The following ZNF141 variants were observed in gnomAD, a reference collection of about 807,000 sequenced individuals.
ZNF141 encodes zinc finger protein 141 (clone pHZ-44).
ZNF141 carries 7 observed loss-of-function variants against 11.3 expected under a neutral mutation model. That is an observed-to-expected ratio of 0.62 (90% CI 0.35 to 1.16). The LOEUF (loss-of-function observed/expected upper bound fraction) is 1.16, where lower values mean the gene tolerates loss of function less well. Among genes scored for constraint, ZNF141 ranks in the 50% most tolerant of loss-of-function variants. ZNF141 has a pLI of 0.02. For synonymous variants in ZNF141, 183 were observed against 190.7 expected (o/e 0.96, Z 0.33); for missense variants, 535 against 554.0 (o/e 0.97, Z 0.34).
intron 1 of ZNF141, among the ~76,000 whole-genome samples, chr4:339,119 C>G (rs1720931899): frequency 6.6e-6 from 1 of 152,264 alleles, no homozygotes; most frequent in African/African-American, 2.4e-5. Context: ...ACACTTGTCC[C>G]AGGACAGGGT....
chr4:365,408 T>C (rs2108718286), intron 3 of ZNF141, among the ~76,000 whole-genome samples: 1 of 152,254 alleles, frequency 6.6e-6, no homozygotes, highest in South Asian at 2.1e-4. Context: ...AAATCACCCG[T>C]CTTTTACGTC....
chr4:373,353 A>G lies in ZNF141; in HGVS notation c.916A>G (p.Thr306Ala), dbSNP rs539002588. The G allele has an allele frequency of 6.2e-7, 1 of 1,613,690 alleles. No homozygotes were observed. The highest frequency in any genetic ancestry group is 2.2e-5 in the East Asian group (1 of 44,846). The stretch of plus-strand genomic sequence containing the variant: ...CTTTGCCAAACATAAGCGAATTCAT[A>G]CTGGAGAGAAACCCTACAAATGTGA... ...SNFAKHKRIH[T>A]GEKPYKCEEC... Residue 306 changes from threonine (T) to alanine (A), a missense_variant, in exon 4 of 4, where the codon ACT (threonine) becomes GCT (alanine). Transcript: ENST00000240499.
rs570639890 is a variant in ZNF141 at position 378,835 on chromosome 4, A to ATTTTTTTTTTT, written c.*4990_*5000dup. Among the ~76,000 whole-genome samples the ATTTTTTTTTTT allele has an allele frequency of 7.6e-5, 6 of 78,626 alleles. 2 individuals are homozygous for ATTTTTTTTTTT. The highest frequency in any genetic ancestry group is 1.8e-4 in the African/African-American group (3 of 16,556). The allele number at this position is 78,626 out of a possible 152,430, so 51.6% of individuals were successfully genotyped here. ...GTTGAATCCAAACAGTTTCTCAGTG[A>ATTTTTTTTTTT]TTTTTTTTTTTTTTTTTTTTTTTTT... On this transcript the variant is annotated 3_prime_UTR_variant, in exon 4 of 4. Transcript: ENST00000240499.
chr4:346,848 T>C lies in ZNF141; in HGVS notation c.226+2418T>C, dbSNP rs1235814128. 4.7e-5 allele frequency among the ~76,000 whole-genome samples: 7 copies of C among 150,014 alleles called. No homozygotes were observed. In the East Asian group the frequency reaches 1.4e-3, roughly 29 times the overall value. The stretch of plus-strand genomic sequence containing the variant: ...TCCTGTGTATGTGTGTGTATATATA[T>C]ATGTATATACATGTATGTATATATA... On this transcript the variant is annotated intron_variant, in intron 3 of 3. Coordinates refer to ENST00000240499, the MANE Select transcript of ZNF141 (RefSeq NM_003441.4).
At chr4:371,696 C>T (rs973990052) in intron 3 of ZNF141, among the ~76,000 whole-genome samples, 13 of 151,976 alleles carry the variant, frequency 8.6e-5, no homozygotes, top group Non-Finnish European at 1.6e-4. Context: ...CCCATCACCA[C>T]GTCTGGCTAG....
In ZNF141 at chr4:376,758, A is replaced by T. The variant is rs566624068; in HGVS notation, c.*2896A>T. 3.9e-5 allele frequency among the ~76,000 whole-genome samples: 6 copies of T among 152,114 alleles called. No individual in the cohort carries two copies. The highest frequency in any genetic ancestry group is 8.8e-5 in the Non-Finnish European group (6 of 67,950). On this transcript the variant is annotated 3_prime_UTR_variant, in exon 4 of 4. Coordinates refer to ENST00000240499, the MANE Select transcript of ZNF141 (RefSeq NM_003441.4). ...TTCCAAAGAAAATAGCAATATTAGA[A>T]CAAAGAAGATTATGTTAATACCATG...
rs1712455661 is a variant in ZNF141 at position 378,152 on chromosome 4, A to G, written c.*4290A>G. On this transcript the variant is annotated 3_prime_UTR_variant, in exon 4 of 4. Transcript: ENST00000240499. ...TGCAGTGCAGCCTGCCAACAGAGTA[A>G]GACCCGTCTCAACAACAACAACAAA... 6.6e-6 allele frequency: 1 copy of G among 152,196 alleles called. No homozygotes were observed. Among genetic ancestry groups the G allele is most frequent in the African/African-American group, 2.4e-5 (1 of 41,440 alleles). 9.4% of individuals were successfully genotyped at this position (152,196 alleles called of 1,614,324 possible).
rs1553855914 is a variant in ZNF141 at position 383,184 on chromosome 4, C to T, written c.*9322C>T. On this transcript the variant is annotated 3_prime_UTR_variant, in exon 4 of 4. Transcript: ENST00000240499. ...CCAAAGTGCCTCAGTTTACAGACAGCTCACTCACAGAAGCAGAGCCACCTA... is the reference window on the plus strand; with the variant it reads ...CCAAAGTGCCTCAGTTTACAGACAGTTCACTCACAGAAGCAGAGCCACCTA... 2 of 700,436 alleles carry T rather than the reference C, an allele frequency of 2.9e-6. No homozygotes were observed. Among genetic ancestry groups the T allele is most frequent in the African/African-American group, 1.8e-5 (1 of 57,076 alleles). 43.4% of individuals were successfully genotyped at this position (700,436 alleles called of 1,614,324 possible).
At chr4:350,349 T>C (rs73217601) in intron 3 of ZNF141, 78,299 of 379,678 alleles carry the variant, frequency 0.21, 9,173 homozygotes, top group Non-Finnish European at 0.23. Flanking sequence ...CTACTTAAAA[T>C]ATTGTATAAA....
chr4:370,088 A>G (rs1553853378), intron 3 of ZNF141, among the ~76,000 whole-genome samples: 1 of 152,012 alleles, frequency 6.6e-6, no homozygotes, highest in African/African-American at 2.4e-5. Context: ...TTAAACTCTT[A>G]AAAATGTAAC....
At chr4:349,042 A>G (rs1721471548) in intron 3 of ZNF141, among the ~76,000 whole-genome samples, 1 of 151,976 alleles carries the variant, frequency 6.6e-6, no homozygotes, top group Admixed American at 6.5e-5. Context: ...ATTTGGTTAA[A>G]TTTATTTTGA....
At chr4:354,796 G>A (rs1175201013) in intron 3 of ZNF141, among the ~76,000 whole-genome samples, 1 of 151,584 alleles carries the variant, frequency 6.6e-6, no homozygotes, top group Non-Finnish European at 1.5e-5. Flanking sequence ...TGACCCATTG[G>A]TTGTTCAGAA....
chr4:355,019 T>G (rs576074531), intron 3 of ZNF141, among the ~76,000 whole-genome samples: 59 of 152,220 alleles, frequency 3.9e-4, no homozygotes, highest in African/African-American at 1.4e-3. Flanking sequence ...ATACTGTTAC[T>G]ATCATATTTG....
At chr4:362,511 G>A (rs1285961095) in intron 3 of ZNF141, among the ~76,000 whole-genome samples, 2 of 152,136 alleles carry the variant, frequency 1.3e-5, no homozygotes, top group Admixed American at 1.3e-4. Context: ...TATGGTTATA[G>A]GTCTAACATT....
intron 2 of ZNF141, 27 bp from the exon 3 acceptor site, chr4:344,308 G>A: frequency 1.9e-6 from 3 of 1,581,208 alleles, no homozygotes; most frequent in Non-Finnish European, 2.6e-6. Context: ...CAATAGTCAT[G>A]TTATTATTTT....
Position 344,450 on chromosome 4 carries a change from G to T in ZNF141, c.226+20G>T. 1 of 1,594,878 alleles carries T rather than the reference G, an allele frequency of 6.3e-7. No individual in the cohort carries two copies. The highest frequency in any genetic ancestry group is 1.1e-5 in the South Asian group (1 of 90,632). On this transcript the variant is annotated intron_variant, in intron 3 of 3. Transcript: ENST00000240499. ...CCCCAGGTAGGTGAGAGTGAATGGA[G>T]GAGAGGGCACAGGCAAGGGGACCAA... is the stretch of plus-strand genomic sequence containing the variant.
chr4:355,274 C>T (rs577243970), intron 3 of ZNF141, among the ~76,000 whole-genome samples: 15 of 152,126 alleles, frequency 9.9e-5, no homozygotes, highest in East Asian at 5.8e-4. Context: ...ACCACAACCT[C>T]GGTTCACCAC....
At chr4:347,232 T>C (rs1399692935) in intron 3 of ZNF141, among the ~76,000 whole-genome samples, 1 of 151,754 alleles carries the variant, frequency 6.6e-6, no homozygotes, top group Non-Finnish European at 1.5e-5. Flanking sequence ...AGACGGAGTT[T>C]CTCCACGTTG....
Position 344,440 on chromosome 4 carries a change from A to T in ZNF141, c.226+10A>T, listed in dbSNP as rs1553849161. ...GTAGCCAGACCCCCAGGTAGGTGAG[A>T]GTGAATGGAGGAGAGGGCACAGGCA... On this transcript the variant is annotated intron_variant, in intron 3 of 3. Transcript: ENST00000240499. 4 of 1,601,368 alleles carry T rather than the reference A, an allele frequency of 2.5e-6. No homozygotes were observed. Among genetic ancestry groups the T allele is most frequent in the Non-Finnish European group, 3.4e-6 (4 of 1,171,228 alleles).
Sources: gnomAD v4.1 joint callset for allele counts (sites outside exome capture counted in the v4.1 genomes callset) on GRCh38, gnomAD v4.1.1 for gene constraint, MANE v1.5 for transcripts, NCBI Gene and HGNC (gene_info 2026-07-23, HGNC 2026-07-21) for gene names.